The following RIT2 variants were observed in gnomAD, a reference collection of about 807,000 sequenced individuals.
RIT2 encodes the protein GTP-binding protein Rit2.
In RIT2, 24 loss-of-function variants were observed where a neutral mutation model predicts 23.7. The observed-to-expected ratio is 1.01, with a 90% CI of 0.73 to 1.43. The LOEUF is 1.43. RIT2 is among the 40% of genes most tolerant of loss of function. The pLI is 0.00. For synonymous variants in RIT2, 107 were observed against 91.1 expected, an observed-to-expected ratio of 1.17 and a Z score of -0.99; for missense variants, 236 against 266.9, an observed-to-expected ratio of 0.88 and a Z score of 0.81.
intron 3 of RIT2, among the ~76,000 whole-genome samples, chr18:42,959,138 C>T (rs1429309371): frequency 1.3e-5 from 2 of 152,176 alleles, no homozygotes; most frequent in Non-Finnish European, 2.9e-5. Flanking sequence ...TTTGTTCCTA[C>T]ACTTTCTTGT....
intron 1 of RIT2, among the ~76,000 whole-genome samples, chr18:43,100,205 C>T (rs745888220): frequency 7.2e-5 from 11 of 151,846 alleles, no homozygotes; most frequent in Non-Finnish European, 1.3e-4. Flanking sequence ...TCCATTGATG[C>T]GACAATAGGA....
chr18:42,828,546 C>T (rs1906368825), intron 4 of RIT2, among the ~76,000 whole-genome samples: 1 of 152,120 alleles, frequency 6.6e-6, no homozygotes, highest in Non-Finnish European at 1.5e-5. Flanking sequence ...AGTCAGTTGG[C>T]TGTTAAGCAA....
At chr18:42,864,198 T>C (rs556555836) in intron 4 of RIT2, among the ~76,000 whole-genome samples, 13 of 152,286 alleles carry the variant, frequency 8.5e-5, no homozygotes, top group Admixed American at 5.9e-4. Flanking sequence ...ATTTGGAAAG[T>C]TTGAATCATC....
At chr18:43,047,683 G>A (rs1277196248) in intron 1 of RIT2, among the ~76,000 whole-genome samples, 5 of 152,126 alleles carry the variant, frequency 3.3e-5, no homozygotes, top group Admixed American at 3.3e-4. Context: ...TGAAGAAAAA[G>A]GAAGAAGTTT....
intron 4 of RIT2, among the ~76,000 whole-genome samples, chr18:42,882,207 G>A (rs1907912929): frequency 6.6e-6 from 1 of 152,186 alleles, no homozygotes; most frequent in Non-Finnish European, 1.5e-5. Flanking sequence ...AGCTACTGAA[G>A]CACTGAAGAT....
intron 4 of RIT2, among the ~76,000 whole-genome samples, chr18:42,802,707 T>C (rs1354114610): frequency 2.0e-5 from 3 of 152,226 alleles, no homozygotes; most frequent in Non-Finnish European, 4.4e-5. Context: ...CTGAACCATC[T>C]TTTTCTTTAT....
intron 4 of RIT2, among the ~76,000 whole-genome samples, chr18:42,838,800 G>C (rs765030389): frequency 6.6e-6 from 1 of 152,198 alleles, no homozygotes; most frequent in Non-Finnish European, 1.5e-5. Flanking sequence ...CATGAGTCCG[G>C]ATTAGGCACT....
intron 4 of RIT2, among the ~76,000 whole-genome samples, chr18:42,891,954 G>C (rs902341621): frequency 2.2e-4 from 33 of 152,058 alleles, no homozygotes; most frequent in Admixed American, 1.6e-3. Flanking sequence ...TTCTAGTGAG[G>C]GCTGTTGATA....
intron 1 of RIT2, among the ~76,000 whole-genome samples, chr18:43,102,614 G>T (rs1307647302): frequency 6.6e-6 from 1 of 151,756 alleles, no homozygotes; most frequent in African/African-American, 2.4e-5. Context: ...GTCTGCTGGT[G>T]CATGCTCAGT....
At chr18:42,792,202 T>C (rs1171732455) in intron 4 of RIT2, among the ~76,000 whole-genome samples, 1 of 152,228 alleles carries the variant, frequency 6.6e-6, no homozygotes, top group African/African-American at 2.4e-5. Flanking sequence ...ATTAACTCAA[T>C]GAATTTATCT....
chr18:43,105,509 G>GAAGGGAGGAAGGAAGGAAGAAAGA (rs1221620676), intron 1 of RIT2, among the ~76,000 whole-genome samples: 1 of 150,716 alleles, frequency 6.6e-6, no homozygotes, highest in African/African-American at 2.4e-5. Flanking sequence ...AGGGAGGGAG[G>GAAGGGAGGAAGGAAGGAAGAAAGA]GAGGGAGGGA....
At chr18:43,050,793 C>T (rs1257729986) in intron 1 of RIT2, among the ~76,000 whole-genome samples, 2 of 152,056 alleles carry the variant, frequency 1.3e-5, no homozygotes, top group Non-Finnish European at 2.9e-5. Context: ...GTTTGAGGAG[C>T]TCAGGACAGC....
In RIT2 at chr18:42,744,691, T is replaced by C. The variant is rs1477253464; in HGVS notation, c.427-971A>G. The stretch of plus-strand genomic sequence containing the variant: ...CATGCTGGGCACATGTTTAAAGCTC[T>C]ATAAATGTTAGTTGTTATTATAGTC... On this transcript the variant is annotated intron_variant, in intron 4 of 4. Coordinates refer to ENST00000326695, the MANE Select transcript of RIT2 (RefSeq NM_002930.4). 5.3e-5 allele frequency among the ~76,000 whole-genome samples: 8 copies of C among 152,346 alleles called. No homozygotes were observed. The South Asian group carries it at 1.7e-3, about 32-fold the overall frequency.
intron 1 of RIT2, among the ~76,000 whole-genome samples, chr18:43,079,397 T>G (rs1432113536): frequency 1.3e-5 from 2 of 152,204 alleles, no homozygotes; most frequent in South Asian, 4.1e-4. Flanking sequence ...TCTATTCCGC[T>G]ATAAACATTT....
At chr18:43,005,818 A>G (rs1351530902) in intron 2 of RIT2, among the ~76,000 whole-genome samples, 1 of 151,824 alleles carries the variant, frequency 6.6e-6, no homozygotes, top group Non-Finnish European at 1.5e-5. Flanking sequence ...GAGGTAGACA[A>G]CATGAGGTCT....
At position 42,781,877 on chromosome 18, in the gene RIT2, C is replaced by T. The variant is rs181426022; in HGVS notation, c.427-38157G>A. On this transcript the variant is annotated intron_variant, in intron 4 of 4. Coordinates refer to ENST00000326695, the MANE Select transcript of RIT2 (RefSeq NM_002930.4). ...TAGAGCTGAAAATGACAGGCATTTGCCATTTGACTTTTGCTCTTGGGAAAA... is the reference window on the plus strand; with the variant it reads ...TAGAGCTGAAAATGACAGGCATTTGTCATTTGACTTTTGCTCTTGGGAAAA... Among the ~76,000 whole-genome samples the T allele has an allele frequency of 1.6e-3, 249 of 152,242 alleles. 2 individuals are homozygous for T. The highest frequency in any genetic ancestry group is 5.7e-3 in the African/African-American group (237 of 41,546).
chr18:42,931,987 T>G (rs1909337431), intron 3 of RIT2, among the ~76,000 whole-genome samples: 1 of 152,172 alleles, frequency 6.6e-6, no homozygotes, highest in African/African-American at 2.4e-5. Flanking sequence ...ACAATTAAAT[T>G]CATATTTCTA....
At chr18:42,944,575 C>T (rs533802126) in intron 3 of RIT2, among the ~76,000 whole-genome samples, 2 of 152,132 alleles carry the variant, frequency 1.3e-5, no homozygotes, top group African/African-American at 4.8e-5. Flanking sequence ...CTGCAATGCA[C>T]CATTTTCACA....
intron 4 of RIT2, among the ~76,000 whole-genome samples, chr18:42,907,644 A>G (rs1908657291): frequency 6.6e-6 from 1 of 152,178 alleles, no homozygotes; most frequent in Non-Finnish European, 1.5e-5. Flanking sequence ...AAAGACAATT[A>G]TTTGATACCA....
Sources: allele counts gnomAD v4.1 joint callset (sites outside exome capture counted in the v4.1 genomes callset), GRCh38; gene constraint gnomAD v4.1.1; transcripts MANE v1.5; gene names NCBI Gene and HGNC (gene_info 2026-07-23, HGNC 2026-07-21).